ENDOU: variants seen among roughly 807,000 people sequenced by gnomAD.
The protein encoded by ENDOU is uridylate-specific endoribonuclease.
Under a neutral mutation model 54.2 loss-of-function variants are expected in ENDOU, and 49 were observed. That is an observed-to-expected ratio of 0.90 (90% CI 0.72 to 1.15). The LOEUF is 1.15. ENDOU is among the 50% of genes most tolerant of loss of function. ENDOU has a pLI of 0.00. For missense variants in ENDOU, 458 were observed against 511.4 expected (o/e 0.90, Z 1.01); for synonymous variants, 172 against 190.5 (o/e 0.90, Z 0.80).
intron 2 of ENDOU, chr12:47,720,162 T>A (rs778354227): frequency 1.3e-5 from 2 of 152,256 alleles, no homozygotes; most frequent in Non-Finnish European, 2.9e-5. Flanking sequence ...TGGAAGCACC[T>A]AAACAAGTTG....
intron 1 of ENDOU, 125 bp downstream of exon 1, chr12:47,725,234 T>TTTAGGACAGAGCTC: frequency 9.3e-7 from 1 of 1,077,250 alleles, no homozygotes; most frequent in Non-Finnish European, 1.4e-6. Context: ...GCTCTGCGGC[T>TTTAGGACAGAGCTC]TTAGGACAGA....
intron 2 of ENDOU, chr12:47,719,306 A>G (rs1006464720): frequency 3.3e-5 from 5 of 152,142 alleles, no homozygotes; most frequent in African/African-American, 1.2e-4. Context: ...GACAGCAGAA[A>G]AGGCATAGGC....
At chr12:47,711,306 A>G (rs1396062363) in intron 9 of ENDOU, among the ~76,000 whole-genome samples, 1 of 152,196 alleles carries the variant, frequency 6.6e-6, no homozygotes, top group African/African-American at 2.4e-5. Flanking sequence ...CTGGAGCTCT[A>G]GGTTCCCCTA....
rs747184501 is a variant in ENDOU at position 47,713,393 on chromosome 12, A to C, written c.752-5T>G. 1.2e-6 allele frequency: 2 copies of C among 1,610,660 alleles called. No homozygotes were observed. The highest frequency in any genetic ancestry group is 2.7e-5 in the African/African-American group (2 of 74,856). On this transcript the variant is annotated splice_polypyrimidine_tract_variant and splice_region_variant and intron_variant, in intron 6 of 9. Transcript: ENST00000422538. ...CTTGCTCTGAGCCATAGCGATCTGC[A>C]GAGGAACACAAAGGGTTTTGGAGAG...
intron 6 of ENDOU, 108 bp downstream of exon 6, chr12:47,716,191 CA>C: frequency 9.4e-7 from 1 of 1,066,152 alleles, no homozygotes; most frequent in Non-Finnish European, 1.4e-6. Flanking sequence ...CTGACCTCCA[CA>C]GAGTCCCCAC....
At chr12:47,717,175 G>T in intron 4 of ENDOU, 117 bp from the exon 5 acceptor site, 2 of 795,678 alleles carry the variant, frequency 2.5e-6, no homozygotes, top group Non-Finnish European at 4.2e-6. Context: ...GGAGGGAGGG[G>T]GGCCACAGTT....
At chr12:47,717,399 T>C in intron 4 of ENDOU, 119 bp downstream of exon 4, 1 of 1,142,982 alleles carries the variant, frequency 8.7e-7, no homozygotes, top group Non-Finnish European at 1.3e-6. Context: ...GCCCCAGAGT[T>C]TGTGTTTCTA....
chr12:47,711,760 C>T lies in ENDOU; in HGVS notation c.988G>A (p.Asp330Asn), dbSNP rs141220136. 158 of 1,614,136 alleles carry T rather than the reference C, an allele frequency of 9.8e-5. 2 individuals carry two copies. In the African/African-American group the frequency reaches 1.6e-3, roughly 16 times the overall value. ...IYDGPWDSYP[D>N]VLAMQFNWDG... The stretch of plus-strand genomic sequence containing the variant: ...CAGTTGAACTGCATTGCCAGCACAT[C>T]GGGGTAAGAATCCCACTGTGGAGGG... Residue 330 changes from aspartate (D) to asparagine (N), a missense_variant, in exon 9 of 10, where the codon GAT (aspartate) becomes AAT (asparagine). Transcript: ENST00000422538.
chr12:47,719,797 A>G (rs1016198957), intron 2 of ENDOU: 1 of 152,184 alleles, frequency 6.6e-6, no homozygotes, highest in Non-Finnish European at 1.5e-5. Context: ...GTGTTTTTGT[A>G]TAAATTGAAA....
intron 8 of ENDOU, 99 bp from the exon 9 acceptor site, chr12:47,711,874 C>G: frequency 7.7e-7 from 1 of 1,304,130 alleles, no homozygotes; most frequent in Non-Finnish European, 1.1e-6. Context: ...TGTTGAGGGT[C>G]CATTAGGGGC....
At chr12:47,711,566 C>A in intron 9 of ENDOU, 67 bp downstream of exon 9, 1 of 1,561,912 alleles carries the variant, frequency 6.4e-7, no homozygotes, top group Non-Finnish European at 8.7e-7. Flanking sequence ...GGTCTCTTGA[C>A]TCTGTGATGG....
At chr12:47,714,503 G>A (rs974105126) in intron 6 of ENDOU, among the ~76,000 whole-genome samples, 2 of 152,270 alleles carry the variant, frequency 1.3e-5, no homozygotes, top group African/African-American at 2.4e-5. Context: ...CTCCGGAGGA[G>A]GAGAGAGAAG....
intron 6 of ENDOU, among the ~76,000 whole-genome samples, chr12:47,715,479 C>T (rs1050983524): frequency 2.0e-5 from 3 of 152,222 alleles, no homozygotes; most frequent in Non-Finnish European, 4.4e-5. Context: ...ACGAAGAGAA[C>T]GCCAGGGGGC....
chr12:47,710,913 C>G lies in ENDOU; in HGVS notation c.1122G>C (p.Gln374His), dbSNP rs1303706531. ...CTAAGGGATATCCTCCCAGGCTTAA[C>G]TGGCACCTGTGGGGAAAGAGCCTGA... is the stretch of plus-strand genomic sequence containing the variant. ...CFIARPGKVC[Q>H]LSLGGYPLAV... is the part of the protein sequence containing the mutation. Residue 374 changes from glutamine to histidine, a missense_variant, in exon 10 of 10, where the codon CAG becomes CAC. Gln to His is a conservative substitution (Grantham distance 24). Transcript: ENST00000422538. 4 of 1,608,278 alleles carry G rather than the reference C, an allele frequency of 2.5e-6. No individual in the cohort carries two copies. Among genetic ancestry groups the G allele is most frequent in the Middle Eastern group, 3.3e-4 (2 of 6,042 alleles).
rs868786671 is a variant in ENDOU, at chr12:47,710,899, C to A, written c.1136G>T (p.Gly379Val). The change falls in exon 10 of 10, where the codon GGA becomes GTA. Residue 379 changes from glycine to valine, a missense_variant. Gly to Val is a moderately radical substitution (Grantham distance 109, BLOSUM62 -3). Transcript: ENST00000422538. ...PGKVCQLSLG[G>V]YPLAVRTYTW... ...ATATGTCCGGACAGCTAAGGGATATCCTCCCAGGCTTAACTGGCACCTGTG... is the reference window on the plus strand; with the variant it reads ...ATATGTCCGGACAGCTAAGGGATATACTCCCAGGCTTAACTGGCACCTGTG... The A allele has an allele frequency of 6.2e-7, 1 of 1,613,064 alleles. No individual in the cohort carries two copies. Among genetic ancestry groups the A allele is most frequent in the Non-Finnish European group, 8.5e-7 (1 of 1,179,196 alleles).
intron 1 of ENDOU, among the ~76,000 whole-genome samples, chr12:47,721,774 C>T (rs1364918078): frequency 6.6e-6 from 1 of 152,214 alleles, no homozygotes; most frequent in South Asian, 2.1e-4. Flanking sequence ...CCACTATCCA[C>T]TCTGGGCTTT....
intron 1 of ENDOU, among the ~76,000 whole-genome samples, chr12:47,721,386 G>T (rs1940428811): frequency 6.6e-6 from 1 of 152,112 alleles, no homozygotes; most frequent in Non-Finnish European, 1.5e-5. Context: ...CTGTGAACTG[G>T]GTGTAGCCCA....
intron 5 of ENDOU, 21 bp downstream of exon 5, chr12:47,716,869 A>G (rs1388200067): frequency 3.1e-6 from 5 of 1,613,296 alleles, no homozygotes; most frequent in Non-Finnish European, 4.2e-6. Flanking sequence ...GGGGGTAGAA[A>G]GAGGAATTGT....
chr12:47,721,341 C>T (rs1455699913), intron 1 of ENDOU, among the ~76,000 whole-genome samples: 2 of 152,016 alleles, frequency 1.3e-5, no homozygotes, highest in Non-Finnish European at 2.9e-5. Flanking sequence ...AATTTTCCAA[C>T]CTTGTAACAC....
Sources: allele counts gnomAD v4.1 joint callset (sites outside exome capture counted in the v4.1 genomes callset), GRCh38; gene constraint gnomAD v4.1.1; transcripts MANE v1.5; gene names NCBI Gene and HGNC (gene_info 2026-07-23, HGNC 2026-07-21).